GNAO1: variants seen among roughly 807,000 people sequenced by gnomAD.
The protein encoded by GNAO1 is G protein subunit alpha o1.
For missense variants in GNAO1, 166 were observed against 478.7 expected (o/e 0.35, Z 6.10); for synonymous variants, 164 against 180.7 (o/e 0.91, Z 0.74).
chr16:56,267,411 G>A (rs1171202370), intron 2 of GNAO1, among the ~76,000 whole-genome samples: 3 of 152,218 alleles, frequency 2.0e-5, no homozygotes, highest in East Asian at 1.9e-4. Context: ...TCTGGCTTCC[G>A]GTCCCACCGG....
intron 6 of GNAO1, chr16:56,347,650 TC>T: frequency 2.0e-6 from 2 of 985,268 alleles, no homozygotes; most frequent in Middle Eastern, 5.2e-4. Context: ...GAAGCTCTCA[TC>T]CCCAGGCCCA....
Position 56,355,055 on chromosome 16 carries a change from C to T in GNAO1, c.*2C>T. 1 of 1,606,676 alleles carries T rather than the reference C, an allele frequency of 6.2e-7. No homozygotes were observed. The highest frequency in any genetic ancestry group is 1.1e-5 in the South Asian group (1 of 90,610). On this transcript the variant is annotated 3_prime_UTR_variant, in exon 8 of 9. Transcript: ENST00000262493. ...CTCCGGGGCTGCGGCTTGTACTGAC[C>T]TCTTGTCCTGTATAGCAACCTATTT... is the stretch of plus-strand genomic sequence containing the variant.
rs538427467 is a variant in GNAO1 at position 56,277,134 on chromosome 16, C to G, written c.303+1062C>G. ...ATTCCATGGGGCAGAGTCATCCAGCCCAGGCATTGGCTCCTCCAGGTACTG... is the reference window on the plus strand; with the variant it reads ...ATTCCATGGGGCAGAGTCATCCAGCGCAGGCATTGGCTCCTCCAGGTACTG... On this transcript the variant is annotated intron_variant, in intron 3 of 8. Coordinates refer to ENST00000262493, the MANE Select transcript of GNAO1 (RefSeq NM_020988.3). The G allele has an allele frequency of 5.3e-5, 8 of 152,356 alleles. No individual in the cohort carries two copies. In the South Asian group the frequency reaches 1.4e-3, roughly 28 times the overall value. The allele number at this position is 152,356 out of a possible 1,614,324, so 9.4% of individuals were successfully genotyped here. A position where few individuals can be genotyped will look rare whatever the true frequency, so the allele number is the denominator to read the frequency against.
chr16:56,347,983 C>A, intron 6 of GNAO1: 1 of 978,940 alleles, frequency 1.0e-6, no homozygotes, highest in Non-Finnish European at 1.2e-6. Flanking sequence ...GCGAGGTGGG[C>A]TCGGGCGTCC....
chr16:56,306,393 GC>G (rs773897259), intron 3 of GNAO1, among the ~76,000 whole-genome samples: 1 of 152,204 alleles, frequency 6.6e-6, no homozygotes, highest in Non-Finnish European at 1.5e-5. Flanking sequence ...TGGCCAAGCT[GC>G]CCCCGCTCCT....
intron 2 of GNAO1, among the ~76,000 whole-genome samples, chr16:56,239,415 T>G (rs1246739843): frequency 3.9e-5 from 6 of 152,236 alleles, no homozygotes; most frequent in African/African-American, 1.4e-4. Flanking sequence ...CTTGGGTCAC[T>G]GTCTGCCTCC....
At chr16:56,300,043 G>GCCCGCGCGCGCGCA (rs2037328922) in intron 3 of GNAO1, among the ~76,000 whole-genome samples, 1 of 92,138 alleles carries the variant, frequency 1.1e-5, no homozygotes, top group Admixed American at 1.2e-4. Flanking sequence ...GTGTGCGCGC[G>GCCCGCGCGCGCGCA]CGCGCGCGCA....
chr16:56,344,433 G>GT (rs2037842154), intron 6 of GNAO1: 1 of 1,005,322 alleles, frequency 9.9e-7, no homozygotes. Context: ...AAAAGCCAGG[G>GT]TGGGATCAGG....
Position 56,351,570 on chromosome 16 carries a change from C to T in GNAO1, c.877+33C>T. ...CCAGGCAGTCCTGTGCAGGGGGAAG[C>T]CTGCCCCTGACAGGGACCCATGGCT... On this transcript the variant is annotated intron_variant, in intron 7 of 8. Coordinates refer to ENST00000262493, the MANE Select transcript of GNAO1 (RefSeq NM_020988.3). The surrounding 1 kb of genome is among the most constrained non-coding windows in gnomAD (Gnocchi z 6.1). 1 of 1,578,484 alleles carries T rather than the reference C, an allele frequency of 6.3e-7. No homozygotes were observed. The highest frequency in any genetic ancestry group is 1.3e-5 in the African/African-American group (1 of 74,434).
intron 2 of GNAO1, among the ~76,000 whole-genome samples, chr16:56,256,714 CTCTCTGTGTGTGTGTGTGTGTG>C (rs761347739): frequency 1.6e-5 from 2 of 123,396 alleles, no homozygotes; most frequent in East Asian, 2.6e-4. Flanking sequence ...CTCTCTCTCT[CTCTCTGTGTGTGTGTGTGTGTG>C]TGTGTGTGTG....
At chr16:56,235,636 T>A (rs1356420858) in intron 2 of GNAO1, among the ~76,000 whole-genome samples, 15 of 152,122 alleles carry the variant, frequency 9.9e-5, no homozygotes, top group Admixed American at 9.2e-4. Flanking sequence ...GCGGAGTGTG[T>A]CCTATCCTCC....
chr16:56,294,583 T>C (rs1460551962), intron 3 of GNAO1, among the ~76,000 whole-genome samples: 1 of 152,200 alleles, frequency 6.6e-6, no homozygotes, highest in Non-Finnish European at 1.5e-5. Flanking sequence ...AACATTGATG[T>C]ACAAGTTTTT....
At chr16:56,286,891 G>C (rs1453238351) in intron 3 of GNAO1, among the ~76,000 whole-genome samples, 1 of 152,208 alleles carries the variant, frequency 6.6e-6, no homozygotes, top group Non-Finnish European at 1.5e-5. Flanking sequence ...GAGGAAATGG[G>C]TGCTGGGGAG....
intron 4 of GNAO1, among the ~76,000 whole-genome samples, chr16:56,332,050 C>G (rs918447751): frequency 6.6e-6 from 1 of 152,212 alleles, no homozygotes; most frequent in African/African-American, 2.4e-5. Flanking sequence ...ATTCTGACCA[C>G]TCACACCCTC....
chr16:56,205,358 G>A (rs537636547), intron 2 of GNAO1, among the ~76,000 whole-genome samples: 10 of 152,354 alleles, frequency 6.6e-5, no homozygotes, highest in African/African-American at 2.4e-4. Flanking sequence ...TCCAGCCAGG[G>A]CAGACAACAA....
chr16:56,237,209 A>G lies in GNAO1; in HGVS notation c.162-38722A>G, dbSNP rs1181251262. 3.3e-5 allele frequency among the ~76,000 whole-genome samples: 5 copies of G among 152,238 alleles called. No individual in the cohort carries two copies. The East Asian group carries it at 9.6e-4, about 29-fold the overall frequency. On this transcript the variant is annotated intron_variant, in intron 2 of 8. Transcript: ENST00000262493. ...AGTGCAAATTAATATGGTATCAAGAATATGAAGAATCAAAAGACTAAAGAG... is the reference window on the plus strand; with the variant it reads ...AGTGCAAATTAATATGGTATCAAGAGTATGAAGAATCAAAAGACTAAAGAG...
At chr16:56,246,656 C>T (rs1244375250) in intron 2 of GNAO1, among the ~76,000 whole-genome samples, 1 of 152,150 alleles carries the variant, frequency 6.6e-6, no homozygotes, top group East Asian at 1.9e-4. Flanking sequence ...CCGCTGTCCC[C>T]ACAGCGCCCT....
At position 56,215,322 on chromosome 16, in the gene GNAO1, A is replaced by G. The variant is rs567782444; in HGVS notation, c.161+22706A>G. Among the ~76,000 whole-genome samples, 22 of 152,342 alleles carry G rather than the reference A, an allele frequency of 1.4e-4. No homozygotes were observed. In the South Asian group the frequency reaches 3.3e-3, roughly 23 times the overall value. ...ACTTCTTTGTCTATCTGAGTTTCGT[A>G]GACACACGAGCAAACACACACATGC... On this transcript the variant is annotated intron_variant, in intron 2 of 8. Transcript: ENST00000262493.
chr16:56,275,783 A>G, intron 2 of GNAO1, 148 bp from the exon 3 acceptor site: 1 of 526,740 alleles, frequency 1.9e-6, no homozygotes, highest in Non-Finnish European at 3.1e-6. Flanking sequence ...TTTTTCCTTT[A>G]GATTTTATGA....
Sources: gnomAD v4.1 joint callset for allele counts (sites outside exome capture counted in the v4.1 genomes callset) on GRCh38, gnomAD v4.1.1 for gene constraint, Gnocchi (gnomAD v3.1) non-coding constraint, MANE v1.5 for transcripts, NCBI Gene and HGNC (gene_info 2026-07-23, HGNC 2026-07-21) for gene names.